The following TGFA variants were observed in gnomAD, a reference collection of about 807,000 sequenced individuals.
The protein encoded by TGFA is transforming growth factor alpha.
A neutral mutation model predicts 21.7 loss-of-function variants in TGFA; 12 were observed. The observed-to-expected ratio is 0.55, with a 90% CI of 0.35 to 0.90. The LOEUF is 0.90. Ranked by LOEUF, TGFA falls within the 40% of genes least tolerant of loss-of-function variation. The pLI, the probability that TGFA is intolerant of heterozygous loss-of-function variation, is 0.01. For missense variants in TGFA, 178 were observed against 210.8 expected, an observed-to-expected ratio of 0.84 and a Z score of 0.96; for synonymous variants, 79 against 88.1, an observed-to-expected ratio of 0.90 and a Z score of 0.58.
At chr2:70,519,030 T>C (rs935662088) in intron 1 of TGFA, among the ~76,000 whole-genome samples, 1 of 152,158 alleles carries the variant, frequency 6.6e-6, no homozygotes, top group African/African-American at 2.4e-5. Flanking sequence ...CAGGTCCTTT[T>C]GGATGAAGGA....
At chr2:70,497,649 T>C (rs1355519103) in intron 2 of TGFA, among the ~76,000 whole-genome samples, 2 of 152,056 alleles carry the variant, frequency 1.3e-5, no homozygotes, top group African/African-American at 4.8e-5. Flanking sequence ...GCCAGGCTGG[T>C]GGGTAGGATA....
rs550555609 is a variant in TGFA, at chr2:70,550,834, C to A, written c.40+2894G>T. ...AGACTCCGTCTCAAAAAACAAAAAACCAAAAAAACAAAAGAAAACAAAACA... is the reference window on the plus strand; with the variant it reads ...AGACTCCGTCTCAAAAAACAAAAAAACAAAAAAACAAAAGAAAACAAAACA... On this transcript the variant is annotated intron_variant, in intron 1 of 5. Transcript: ENST00000295400. 2.2e-4 allele frequency among the ~76,000 whole-genome samples: 33 copies of A among 152,192 alleles called. 1 individual carries two copies. In the South Asian group the frequency reaches 4.4e-3, roughly 20 times the overall value.
At chr2:70,456,533 T>C in intron 3 of TGFA, 45 bp from the exon 4 acceptor site, 2 of 1,558,300 alleles carry the variant, frequency 1.3e-6, no homozygotes, top group Non-Finnish European at 1.7e-6. Context: ...ACAAAAGGTC[T>C]TGTTACCCTA....
At chr2:70,520,395 A>G (rs782006206) in intron 1 of TGFA, among the ~76,000 whole-genome samples, 1 of 120,230 alleles carries the variant, frequency 8.3e-6, no homozygotes, top group Non-Finnish European at 1.7e-5. Context: ...GGCATCTGTA[A>G]TACCAGCTAC....
intron 2 of TGFA, among the ~76,000 whole-genome samples, chr2:70,501,160 C>T (rs1319986376): frequency 6.6e-6 from 1 of 151,886 alleles, no homozygotes; most frequent in Non-Finnish European, 1.5e-5. Flanking sequence ...TTTAGCCATT[C>T]CCTAATGTAT....
intron 2 of TGFA, among the ~76,000 whole-genome samples, chr2:70,481,412 A>G (rs1361051495): frequency 6.6e-6 from 1 of 152,232 alleles, no homozygotes; most frequent in Non-Finnish European, 1.5e-5. Context: ...GCCTCCCAGA[A>G]ACCTCTGTGT....
chr2:70,459,621 T>C (rs1318585675), intron 3 of TGFA, among the ~76,000 whole-genome samples: 2 of 152,250 alleles, frequency 1.3e-5, no homozygotes, highest in African/African-American at 4.8e-5. Context: ...GCCGTCTTAA[T>C]GCACCAAGGG....
In TGFA at chr2:70,456,335, T is replaced by G. The variant is rs781862911; in HGVS notation, c.365+4A>C. ...ACCTGGCCTTAGGGGCAGCAAGTAC[T>G]CACTGTATCAGCACACATGTGATGA... On this transcript the variant is annotated splice_donor_region_variant and intron_variant, in intron 4 of 5. Coordinates refer to ENST00000295400, the MANE Select transcript of TGFA (RefSeq NM_003236.4). The G allele has an allele frequency of 1.8e-5, 28 of 1,549,274 alleles. No homozygotes were observed. In the South Asian group the frequency reaches 3.3e-4, roughly 18 times the overall value.
rs749787848 is a variant in TGFA at position 70,541,849 on chromosome 2, C to T, written c.40+11879G>A. Reference sequence around the variant, plus strand: ...CAGTTCAGGGACCTATGATTCATCCCCTGAAACCCTAATTATAACACCCTA... The same window carrying T: ...CAGTTCAGGGACCTATGATTCATCCTCTGAAACCCTAATTATAACACCCTA... On this transcript the variant is annotated intron_variant, in intron 1 of 5. Coordinates refer to ENST00000295400, the MANE Select transcript of TGFA (RefSeq NM_003236.4). 3.7e-4 allele frequency among the ~76,000 whole-genome samples: 57 copies of T among 152,214 alleles called. 1 individual carries two copies. Among genetic ancestry groups the T allele is most frequent in the Non-Finnish European group, 5.4e-4 (37 of 68,014 alleles).
intron 5 of TGFA, chr2:70,451,852 T>C: frequency 1.5e-6 from 1 of 666,966 alleles, no homozygotes; most frequent in Non-Finnish European, 2.7e-6. Flanking sequence ...CAGGCTGTCA[T>C]CAGACTCAGT....
intron 2 of TGFA, among the ~76,000 whole-genome samples, chr2:70,474,390 G>A (rs1670862519): frequency 1.3e-5 from 2 of 152,206 alleles, no homozygotes; most frequent in South Asian, 4.1e-4. Context: ...TGCTGAGAAG[G>A]CACATGATCC....
intron 2 of TGFA, among the ~76,000 whole-genome samples, chr2:70,494,974 C>T: frequency 6.6e-6 from 1 of 152,128 alleles, no homozygotes; most frequent in Non-Finnish European, 1.5e-5. Flanking sequence ...CTCTATTTTC[C>T]TTTATGGTTT....
intron 1 of TGFA, among the ~76,000 whole-genome samples, chr2:70,516,694 C>T (rs146772031): frequency 1.2e-4 from 18 of 152,300 alleles, no homozygotes; most frequent in East Asian, 9.7e-4. Context: ...CCATCCAAGC[C>T]GGGAAAAGTC....
intron 2 of TGFA, among the ~76,000 whole-genome samples, chr2:70,488,038 T>C (rs557475141): frequency 6.6e-6 from 1 of 152,376 alleles, no homozygotes; most frequent in East Asian, 1.9e-4. Flanking sequence ...TTATGTTAAC[T>C]GCATTTTCTT....
chr2:70,451,083 AAGTG>A (rs146183100), intron 5 of TGFA, among the ~76,000 whole-genome samples: 17 of 152,216 alleles, frequency 1.1e-4, no homozygotes, highest in Non-Finnish European at 1.6e-4. Context: ...GACTGATTGA[AAGTG>A]AGTGAGTGAG....
chr2:70,476,019 A>G lies in TGFA; in HGVS notation c.95-10283T>C, dbSNP rs562523769. Reference sequence around the variant, plus strand: ...AGCTCCTCTTCCTCCTCATGACCCCATTTCTCCAGCTCCCAGGTTGCTTCT... The same window carrying G: ...AGCTCCTCTTCCTCCTCATGACCCCGTTTCTCCAGCTCCCAGGTTGCTTCT... On this transcript the variant is annotated intron_variant, in intron 2 of 5. Transcript: ENST00000295400. Among the ~76,000 whole-genome samples, 6 of 129,774 alleles carry G rather than the reference A, an allele frequency of 4.6e-5. No individual in the cohort carries two copies. In the South Asian group the frequency reaches 1.2e-3, roughly 27 times the overall value. 85.1% of individuals were successfully genotyped at this position (129,774 alleles called of 152,430 possible).
chr2:70,552,421 T>G (rs1417117883), intron 1 of TGFA, among the ~76,000 whole-genome samples: 1 of 152,236 alleles, frequency 6.6e-6, no homozygotes, highest in East Asian at 1.9e-4. Flanking sequence ...TGGTAATGTT[T>G]TATTGCTTTT....
intron 1 of TGFA, among the ~76,000 whole-genome samples, chr2:70,540,456 G>A (rs1269442311): frequency 1.3e-5 from 2 of 152,152 alleles, no homozygotes; most frequent in Non-Finnish European, 2.9e-5. Flanking sequence ...TTCAATAAAT[G>A]ATGTTAGAAT....
chr2:70,522,157 C>T (rs181116135), intron 1 of TGFA, among the ~76,000 whole-genome samples: 265 of 152,286 alleles, frequency 1.7e-3, no homozygotes, highest in African/African-American at 6.0e-3. Flanking sequence ...CCTGGCCTAA[C>T]GCACCTACAT....
Sources: allele counts gnomAD v4.1 joint callset (sites outside exome capture counted in the v4.1 genomes callset), GRCh38; gene constraint gnomAD v4.1.1; transcripts MANE v1.5; gene names NCBI Gene and HGNC (gene_info 2026-07-23, HGNC 2026-07-21).